The following UBE2E2 variants were observed in gnomAD, a reference collection of about 807,000 sequenced individuals.
UBE2E2 encodes ubiquitin-conjugating enzyme E2 E2.
A neutral mutation model predicts 24.7 loss-of-function variants in UBE2E2; 6 were observed. That is an observed-to-expected ratio of 0.24 (90% CI 0.13 to 0.48). The LOEUF (loss-of-function observed/expected upper bound fraction) is 0.48, where lower values mean the gene tolerates loss of function less well. UBE2E2 is among the 20% of genes least tolerant of loss of function. The pLI, the probability that UBE2E2 is intolerant of heterozygous loss-of-function variation, is 0.99. For synonymous variants in UBE2E2, 104 were observed against 83.6 expected (o/e 1.24, Z -1.33); for missense variants, 169 against 245.0 (o/e 0.69, Z 2.07).
rs571503848 is a variant in UBE2E2 at position 23,402,821 on chromosome 3, C to T, written c.228-96787C>T. On this transcript the variant is annotated intron_variant, in intron 3 of 5. Transcript: ENST00000396703. ...CTCAAGACCCTTAGTTTGTGACACT[C>T]ACTTGAATACTTAGGAAAAGTCTAT... 6.6e-5 allele frequency among the ~76,000 whole-genome samples: 10 copies of T among 152,274 alleles called. No homozygotes were observed. The East Asian group carries it at 1.5e-3, about 23-fold the overall frequency.
At chr3:23,363,768 C>A (rs994370082) in intron 3 of UBE2E2, among the ~76,000 whole-genome samples, 5 of 152,074 alleles carry the variant, frequency 3.3e-5, no homozygotes, top group African/African-American at 1.2e-4. Flanking sequence ...ATATTCAGAA[C>A]CAGAGCTCAA....
intron 5 of UBE2E2, among the ~76,000 whole-genome samples, chr3:23,582,281 T>G (rs1696499509): frequency 6.6e-6 from 1 of 152,182 alleles, no homozygotes. Flanking sequence ...TATACCACGG[T>G]TTTTTTCTTT....
At chr3:23,323,459 G>A in intron 3 of UBE2E2, 3 of 417,496 alleles carry the variant, frequency 7.2e-6, no homozygotes, top group South Asian at 5.4e-5. Flanking sequence ...AGTAATACGG[G>A]GTGAGCATCC....
At chr3:23,278,105 G>T in intron 3 of UBE2E2, among the ~76,000 whole-genome samples, 1 of 152,036 alleles carries the variant, frequency 6.6e-6, no homozygotes, top group East Asian at 1.9e-4. Context: ...AAATAGAATG[G>T]ATCAATTGTT....
chr3:23,350,383 G>A (rs891113697), intron 3 of UBE2E2, among the ~76,000 whole-genome samples: 21 of 152,224 alleles, frequency 1.4e-4, no homozygotes, highest in Admixed American at 3.3e-4. Flanking sequence ...GAAGCTGGAC[G>A]GAGAATGACT....
intron 4 of UBE2E2, among the ~76,000 whole-genome samples, chr3:23,506,663 C>CT (rs1317872004): frequency 6.6e-6 from 1 of 152,080 alleles, no homozygotes; most frequent in Admixed American, 6.6e-5. Flanking sequence ...TGAAAGATTC[C>CT]TTTTTTATTT....
At chr3:23,540,804 C>T (rs907809807) in intron 5 of UBE2E2, among the ~76,000 whole-genome samples, 1 of 152,038 alleles carries the variant, frequency 6.6e-6, no homozygotes, top group African/African-American at 2.4e-5. Context: ...AGCCCCCTAC[C>T]GGAACTCCTG....
intron 2 of UBE2E2, among the ~76,000 whole-genome samples, chr3:23,212,928 T>C (rs73821293): frequency 5.8e-4 from 88 of 152,222 alleles, no homozygotes; most frequent in African/African-American, 2.1e-3. Context: ...TTATTTGCAA[T>C]GGCAATGTGT....
chr3:23,582,683 C>T (rs1303043555), intron 5 of UBE2E2, among the ~76,000 whole-genome samples: 1 of 151,970 alleles, frequency 6.6e-6, no homozygotes. Context: ...GCTTGTTGGC[C>T]ACATATATGC....
At chr3:23,561,731 G>A (rs368524234) in intron 5 of UBE2E2, among the ~76,000 whole-genome samples, 4 of 152,006 alleles carry the variant, frequency 2.6e-5, no homozygotes, top group Admixed American at 2.0e-4. Context: ...ATGTGTTTGT[G>A]TCCTCTTTTA....
intron 3 of UBE2E2, among the ~76,000 whole-genome samples, chr3:23,413,454 C>A (rs917461434): frequency 7.9e-5 from 12 of 152,106 alleles, no homozygotes; most frequent in Admixed American, 2.6e-4. Flanking sequence ...CAGCCTTAAT[C>A]TTTTGGCCTT....
intron 3 of UBE2E2, among the ~76,000 whole-genome samples, chr3:23,307,350 G>A (rs1699264171): frequency 6.6e-6 from 1 of 152,172 alleles, no homozygotes; most frequent in South Asian, 2.1e-4. Context: ...GTATTTAATT[G>A]TGGACCAGGT....
At chr3:23,419,590 T>C (rs1266313893) in intron 3 of UBE2E2, among the ~76,000 whole-genome samples, 1 of 152,216 alleles carries the variant, frequency 6.6e-6, no homozygotes, top group Non-Finnish European at 1.5e-5. Flanking sequence ...GCTTTTGTTA[T>C]GCAGTGTTCT....
At chr3:23,489,854 G>C (rs1371283506) in intron 3 of UBE2E2, among the ~76,000 whole-genome samples, 1 of 152,106 alleles carries the variant, frequency 6.6e-6, no homozygotes, top group African/African-American at 2.4e-5. Context: ...TTGAAATGAA[G>C]GCCTTCAATG....
intron 3 of UBE2E2, among the ~76,000 whole-genome samples, chr3:23,367,319 A>G (rs1037799842): frequency 4.6e-5 from 7 of 152,154 alleles, no homozygotes; most frequent in Non-Finnish European, 2.9e-5. Flanking sequence ...GATGGCTGGC[A>G]GCATCTAGGT....
At chr3:23,357,948 A>C (rs1253962809) in intron 3 of UBE2E2, among the ~76,000 whole-genome samples, 9 of 152,138 alleles carry the variant, frequency 5.9e-5, no homozygotes, top group African/African-American at 1.4e-4. Flanking sequence ...TGATCCTTCT[A>C]CCTCAGCCTT....
chr3:23,494,038 C>T (rs1336894389), intron 3 of UBE2E2, among the ~76,000 whole-genome samples: 4 of 152,302 alleles, frequency 2.6e-5, no homozygotes, highest in Non-Finnish European at 4.4e-5. Context: ...TACCCAGGTC[C>T]TAACAGGCTT....
intron 3 of UBE2E2, among the ~76,000 whole-genome samples, chr3:23,343,778 T>C (rs988140075): frequency 3.9e-5 from 6 of 152,196 alleles, no homozygotes; most frequent in Admixed American, 3.9e-4. Flanking sequence ...TGATAAGTTT[T>C]GACTGTTTTG....
At chr3:23,463,434 A>G (rs1698854354) in intron 3 of UBE2E2, among the ~76,000 whole-genome samples, 3 of 152,206 alleles carry the variant, frequency 2.0e-5, no homozygotes, top group South Asian at 4.1e-4. Context: ...ACTATAAGCA[A>G]TGAGAGGTCC....
Sources: gnomAD v4.1 joint callset for allele counts (sites outside exome capture counted in the v4.1 genomes callset) on GRCh38, gnomAD v4.1.1 for gene constraint, MANE v1.5 for transcripts, NCBI Gene and HGNC (gene_info 2026-07-23, HGNC 2026-07-21) for gene names.